FAM227B: variants seen among roughly 807,000 people sequenced by gnomAD.
The protein encoded by FAM227B is protein FAM227B.
Under a neutral mutation model 73.8 loss-of-function variants are expected in FAM227B, and 88 were observed. That is an observed-to-expected ratio of 1.19 (90% confidence interval 1.00 to 1.42). The LOEUF (loss-of-function observed/expected upper bound fraction) is 1.42. Ranked by LOEUF, FAM227B falls within the 40% of genes most tolerant of loss-of-function variation. The pLI is 0.00. For missense variants in FAM227B, 632 were observed against 590.9 expected, an observed-to-expected ratio of 1.07 and a Z score of -0.72; for synonymous variants, 210 against 190.5, an observed-to-expected ratio of 1.10 and a Z score of -0.84.
At chr15:49,444,728 G>C (rs1194906965) in intron 11 of FAM227B, among the ~76,000 whole-genome samples, 1 of 151,598 alleles carries the variant, frequency 6.6e-6, no homozygotes, top group Non-Finnish European at 1.5e-5. Context: ...TCAAAGGCTA[G>C]AAATAAATTG....
chr15:49,384,919 A>G (rs1261738923), intron 11 of FAM227B, among the ~76,000 whole-genome samples: 1 of 151,996 alleles, frequency 6.6e-6, no homozygotes, highest in Admixed American at 6.6e-5. Context: ...TTCAATACAT[A>G]CTATTCTGTT....
intron 11 of FAM227B, among the ~76,000 whole-genome samples, chr15:49,390,830 G>A (rs2047167005): frequency 6.6e-6 from 1 of 151,836 alleles, no homozygotes; most frequent in African/African-American, 2.4e-5. Context: ...TTAAACATGT[G>A]ACAACCAGTA....
chr15:49,390,930 T>G (rs1181829088), intron 11 of FAM227B, among the ~76,000 whole-genome samples: 2 of 151,994 alleles, frequency 1.3e-5, no homozygotes, highest in East Asian at 3.9e-4. Context: ...ACCTGGTATC[T>G]CCATTGGAAA....
intron 11 of FAM227B, among the ~76,000 whole-genome samples, chr15:49,380,870 A>G (rs916576993): frequency 1.3e-5 from 2 of 152,140 alleles, no homozygotes; most frequent in Admixed American, 6.5e-5. Context: ...CCATTCTTGC[A>G]TTGCTGTAAA....
chr15:49,370,706 C>T (rs1185316676), intron 12 of FAM227B, among the ~76,000 whole-genome samples: 2 of 152,138 alleles, frequency 1.3e-5, no homozygotes, highest in African/African-American at 4.8e-5. Flanking sequence ...CTGTAACCAA[C>T]TTAAAATCTA....
chr15:49,445,789 A>C (rs1477062109), intron 11 of FAM227B, among the ~76,000 whole-genome samples: 1 of 151,598 alleles, frequency 6.6e-6, no homozygotes, highest in African/African-American at 2.4e-5. Context: ...AAGAAATAAT[A>C]GTAAAAGAGT....
intron 11 of FAM227B, among the ~76,000 whole-genome samples, chr15:49,455,320 A>G (rs1342375956): frequency 6.6e-6 from 1 of 152,176 alleles, no homozygotes; most frequent in African/African-American, 2.4e-5. Flanking sequence ...TCTAGCATGA[A>G]AATCAAGGTC....
At chr15:49,577,544 G>T in intron 6 of FAM227B, 85 bp downstream of exon 6, 1 of 788,524 alleles carries the variant, frequency 1.3e-6, no homozygotes, top group Non-Finnish European at 2.0e-6. Context: ...TATATTTAGA[G>T]CCTTGTTTAT....
chr15:49,406,223 C>A (rs1346818162), intron 11 of FAM227B, among the ~76,000 whole-genome samples: 1 of 152,218 alleles, frequency 6.6e-6, no homozygotes, highest in East Asian at 1.9e-4. Flanking sequence ...TTTTTGTTCA[C>A]ACATGCCAGC....
At chr15:49,329,567 T>C in intron 15 of FAM227B, 2 of 984,698 alleles carry the variant, frequency 2.0e-6, no homozygotes, top group Non-Finnish European at 2.4e-6. Context: ...CATAGAATAC[T>C]AGGAAAGCCA....
chr15:49,611,757 T>C (rs2077937447), intron 2 of FAM227B, among the ~76,000 whole-genome samples: 1 of 152,230 alleles, frequency 6.6e-6, no homozygotes. Flanking sequence ...TTTCAAAATG[T>C]ATTCAACATT....
intron 11 of FAM227B, among the ~76,000 whole-genome samples, chr15:49,494,284 C>CACACACACACACACAT (rs1555506864): frequency 6.6e-6 from 1 of 151,232 alleles, no homozygotes; most frequent in African/African-American, 2.4e-5. Flanking sequence ...CACACACACA[C>CACACACACACACACAT]ACACACCCTA....
At chr15:49,436,383 T>G (rs2051107336) in intron 11 of FAM227B, among the ~76,000 whole-genome samples, 1 of 151,738 alleles carries the variant, frequency 6.6e-6, no homozygotes, top group Admixed American at 6.6e-5. Context: ...ATATATAGAA[T>G]CTTGCTTTAA....
chr15:49,580,409 C>G (rs1225107676), intron 5 of FAM227B, among the ~76,000 whole-genome samples: 1 of 152,092 alleles, frequency 6.6e-6, no homozygotes, highest in African/African-American at 2.4e-5. Context: ...CCGATAAAAC[C>G]AAGGACAATA....
At chr15:49,536,783 T>A (rs2070336779) in intron 10 of FAM227B, among the ~76,000 whole-genome samples, 1 of 151,954 alleles carries the variant, frequency 6.6e-6, no homozygotes, top group African/African-American at 2.4e-5. Flanking sequence ...GTGAATTAAT[T>A]TTTGACAAGG....
chr15:49,550,308 GGACGGGGCGGC>G (rs1567554724), intron 9 of FAM227B, among the ~76,000 whole-genome samples: 4 of 126,382 alleles, frequency 3.2e-5, no homozygotes, highest in Admixed American at 7.7e-5. Context: ...CTCACCTCCC[GGACGGGGCGGC>G]TGGCCGGGCG....
At chr15:49,357,075 A>G (rs2043283646) in intron 13 of FAM227B, among the ~76,000 whole-genome samples, 1 of 151,524 alleles carries the variant, frequency 6.6e-6, no homozygotes, top group Non-Finnish European at 1.5e-5. Flanking sequence ...TCTGGGATGC[A>G]TTCAAAGCAG....
chr15:49,530,383 C>T (rs2060519588), intron 10 of FAM227B, among the ~76,000 whole-genome samples: 2 of 151,888 alleles, frequency 1.3e-5, no homozygotes, highest in South Asian at 4.1e-4. Context: ...ATGCTCTATA[C>T]TACTTAAATA....
At chr15:49,536,473 A>G (rs1455460719) in intron 10 of FAM227B, among the ~76,000 whole-genome samples, 3 of 151,982 alleles carry the variant, frequency 2.0e-5, no homozygotes, top group South Asian at 2.1e-4. Context: ...AATATGGTTA[A>G]TATGTCCATA....
Sources: allele counts gnomAD v4.1 joint callset (sites outside exome capture counted in the v4.1 genomes callset), GRCh38; gene constraint gnomAD v4.1.1; transcripts MANE v1.5; gene names NCBI Gene and HGNC (gene_info 2026-07-23, HGNC 2026-07-21).